ALDH2: variants seen among roughly 807,000 people sequenced by gnomAD.
ALDH2 encodes aldehyde dehydrogenase 2 family member.
Under a neutral mutation model 59.6 loss-of-function variants are expected in ALDH2, and 44 were observed. The ratio of observed to expected loss-of-function variants is 0.74; its 90% confidence interval spans 0.58 to 0.95. The LOEUF (loss-of-function observed/expected upper bound fraction) is 0.95. Among genes scored for constraint, ALDH2 ranks in the 40% least tolerant of loss-of-function variants. The pLI, the probability that ALDH2 is intolerant of heterozygous loss-of-function variation, is 0.00. For synonymous variants in ALDH2, 291 were observed against 284.0 expected (o/e 1.02, Z -0.25); for missense variants, 570 against 696.3 (o/e 0.82, Z 2.04).
At chr12:111,776,694 TA>T (rs1049130260) in intron 1 of ALDH2, among the ~76,000 whole-genome samples, 1 of 151,456 alleles carries the variant, frequency 6.6e-6, no homozygotes, top group Non-Finnish European at 1.5e-5. Context: ...ACATTCAGAA[TA>T]AAATTTTTTT....
chr12:111,769,602 C>A (rs538193475), intron 1 of ALDH2, among the ~76,000 whole-genome samples: 1 of 150,582 alleles, frequency 6.6e-6, no homozygotes, highest in African/African-American at 2.5e-5. Flanking sequence ...AAATGAGATG[C>A]AACCACTTAT....
chr12:111,792,720 G>C lies in ALDH2; in HGVS notation c.1021G>C (p.Ala341Pro). 1 of 1,584,756 alleles carries C rather than the reference G, an allele frequency of 6.3e-7. No homozygotes were observed. Among genetic ancestry groups the C allele is most frequent in the Non-Finnish European group, 8.6e-7 (1 of 1,165,854 alleles). Residue 341 changes from alanine to proline, a missense_variant, in exon 9 of 13, where the codon GCC becomes CCC. Transcript: ENST00000261733. ...TGATGAGTTTGTGGAGCGGAGCGTTGCCCGGGCCAAGTCTCGGGTGGTCGG... is the reference window on the plus strand; with the variant it reads ...TGATGAGTTTGTGGAGCGGAGCGTTCCCCGGGCCAAGTCTCGGGTGGTCGG... ...IYDEFVERSV[A>P]RAKSRVVGNP...
chr12:111,800,187 T>C, intron 11 of ALDH2, 124 bp downstream of exon 11: 1 of 1,240,852 alleles, frequency 8.1e-7, no homozygotes, highest in African/African-American at 1.5e-5. Flanking sequence ...TGGGTCAGGG[T>C]GTGATGTCGA....
At chr12:111,784,442 G>A (rs1175297195) in intron 3 of ALDH2, among the ~76,000 whole-genome samples, 5 of 152,136 alleles carry the variant, frequency 3.3e-5, no homozygotes, top group African/African-American at 4.8e-5. Flanking sequence ...GAGCATCAGC[G>A]CTTGCACCTG....
chr12:111,791,505 C>T, intron 7 of ALDH2, 86 bp downstream of exon 7: 1 of 1,058,496 alleles, frequency 9.4e-7, no homozygotes, highest in Non-Finnish European at 1.4e-6. Flanking sequence ...AGGTGAGCTC[C>T]CGGGTGTCAA....
intron 9 of ALDH2, among the ~76,000 whole-genome samples, chr12:111,795,660 C>T (rs113773160): frequency 1.1e-3 from 161 of 148,688 alleles, no homozygotes; most frequent in African/African-American, 3.7e-3. Context: ...GGCACGATCT[C>T]GGCTCACTGC....
Position 111,809,533 on chromosome 12 carries a change from C to G in ALDH2, c.1522-10C>G. The G allele has an allele frequency of 8.7e-6, 14 of 1,614,130 alleles. No homozygotes were observed. Among genetic ancestry groups the G allele is most frequent in the Non-Finnish European group, 1.2e-5 (14 of 1,179,990 alleles). ...AGGAAGATCTAACGGCTTCTCTGTC[C>G]CCCTTACAGGTCACAGTCAAAGTGC... On this transcript the variant is annotated splice_polypyrimidine_tract_variant and intron_variant, in intron 12 of 12. Transcript: ENST00000261733.
chr12:111,789,768 T>C (rs1054678169), intron 4 of ALDH2, 55 bp from the exon 5 acceptor site: 3 of 1,455,032 alleles, frequency 2.1e-6, no homozygotes, highest in African/African-American at 1.4e-5. Context: ...CTGCCAGGGT[T>C]TGCAGGGGTC....
At chr12:111,803,441 T>C (rs2068469824) in intron 11 of ALDH2, among the ~76,000 whole-genome samples, 1 of 149,098 alleles carries the variant, frequency 6.7e-6, no homozygotes, top group African/African-American at 2.5e-5. Flanking sequence ...CTACAAAAAA[T>C]AAAAGATAAA....
chr12:111,795,332 G>T (rs934330387), intron 9 of ALDH2, among the ~76,000 whole-genome samples: 1 of 152,118 alleles, frequency 6.6e-6, no homozygotes, highest in African/African-American at 2.4e-5. Flanking sequence ...ACCCAGGCTG[G>T]AGTGCAGTGG....
intron 11 of ALDH2, among the ~76,000 whole-genome samples, chr12:111,803,531 G>A (rs2068470416): frequency 1.3e-5 from 2 of 151,924 alleles, no homozygotes; most frequent in South Asian, 4.1e-4. Context: ...CTGAAGACCA[G>A]GAGTTGGAGA....
At chr12:111,775,601 A>G (rs921704456) in intron 1 of ALDH2, 4 of 449,908 alleles carry the variant, frequency 8.9e-6, no homozygotes, top group African/African-American at 8.0e-5. Flanking sequence ...TGTTTTGCCT[A>G]CAGTCTAGAT....
chr12:111,789,134 C>T (rs1363014753), intron 4 of ALDH2, among the ~76,000 whole-genome samples: 5 of 150,054 alleles, frequency 3.3e-5, no homozygotes, highest in African/African-American at 1.2e-4. Flanking sequence ...TCTTCTGCCT[C>T]AGCCTCCCGA....
intron 1 of ALDH2, among the ~76,000 whole-genome samples, chr12:111,778,290 A>G (rs143337602): frequency 7.9e-4 from 120 of 152,306 alleles, no homozygotes; most frequent in African/African-American, 2.8e-3. Flanking sequence ...CACGCCTGTA[A>G]TCCCAGCACT....
At position 111,809,984 on chromosome 12, in the gene ALDH2, A is replaced by C. The variant is rs1242800609; in HGVS notation, c.*409A>C. 4.0e-6 allele frequency: 1 copy of C among 248,052 alleles called. No individual in the cohort carries two copies. The highest frequency in any genetic ancestry group is 7.9e-6 in the Non-Finnish European group (1 of 126,966). The allele number at this position is 248,052 out of a possible 1,614,324, so 15.4% of individuals were successfully genotyped here. ...ATTAAAAACTAGCTGCTCTTAACTT[A>C]CTGGGTAACTCTTTGTCCATCTCAA... is the stretch of plus-strand genomic sequence containing the variant. On this transcript the variant is annotated 3_prime_UTR_variant, in exon 13 of 13. Coordinates refer to ENST00000261733, the MANE Select transcript of ALDH2 (RefSeq NM_000690.4).
At chr12:111,780,162 G>C (rs918712738) in intron 1 of ALDH2, among the ~76,000 whole-genome samples, 1 of 152,144 alleles carries the variant, frequency 6.6e-6, no homozygotes, top group Non-Finnish European at 1.5e-5. Flanking sequence ...CAAAGTGCTG[G>C]GATTACAGGC....
rs1365975334 is a variant in ALDH2 at position 111,814,159 on chromosome 12, A to C, written c.*4584A>C. ...TCAGGAGATCGAGACCATCCTGGCT[A>C]ACACGGTGAAACCCCGTCTCTACTA... On this transcript the variant is annotated 3_prime_UTR_variant, in exon 13 of 13. Transcript: ENST00000261733. 1 of 151,968 alleles carries C rather than the reference A, an allele frequency of 6.6e-6. No individual in the cohort carries two copies. The highest frequency in any genetic ancestry group is 1.5e-5 in the Non-Finnish European group (1 of 68,020). 9.4% of individuals were successfully genotyped at this position (151,968 alleles called of 1,614,324 possible). A position where few individuals can be genotyped will look rare whatever the true frequency, so the allele number is the denominator to read the frequency against.
intron 4 of ALDH2, among the ~76,000 whole-genome samples, chr12:111,789,421 G>A (rs368055516): frequency 6.6e-6 from 1 of 151,144 alleles, no homozygotes; most frequent in Non-Finnish European, 1.5e-5. Flanking sequence ...GAACCTGGGG[G>A]GCCGAGGTTG....
chr12:111,767,148 A>T, intron 1 of ALDH2, 52 bp downstream of exon 1: 1 of 1,389,252 alleles, frequency 7.2e-7, no homozygotes, highest in Middle Eastern at 1.8e-4. Flanking sequence ...AGTCCCCCGC[A>T]GGCCCCTAGG....
Sources: allele counts gnomAD v4.1 joint callset (sites outside exome capture counted in the v4.1 genomes callset), GRCh38; gene constraint gnomAD v4.1.1; transcripts MANE v1.5; gene names NCBI Gene and HGNC (gene_info 2026-07-23, HGNC 2026-07-21).